NDST3: variants seen among roughly 807,000 people sequenced by gnomAD.
NDST3 encodes bifunctional heparan sulfate N-deacetylase/N-sulfotransferase 3.
Under a neutral mutation model 96.1 loss-of-function variants are expected in NDST3, and 58 were observed. That is an observed-to-expected ratio of 0.60 (90% CI 0.49 to 0.75). NDST3 has a LOEUF of 0.75. Ranked by LOEUF, NDST3 falls within the 30% of genes least tolerant of loss-of-function variation. NDST3 has a pLI of 0.00. For synonymous variants in NDST3, 333 were observed against 359.7 expected (o/e 0.93, Z 0.84); for missense variants, 788 against 1,034.2 (o/e 0.76, Z 3.27).
chr4:118,197,401 T>C (rs1401728796), intron 6 of NDST3, among the ~76,000 whole-genome samples: 1 of 152,170 alleles, frequency 6.6e-6, no homozygotes, highest in African/African-American at 2.4e-5. Context: ...GTGTTGAAAG[T>C]GGGATGTTGA....
chr4:118,075,136 G>A (rs994397917), intron 2 of NDST3, among the ~76,000 whole-genome samples: 2 of 151,892 alleles, frequency 1.3e-5, no homozygotes, highest in Non-Finnish European at 2.9e-5. Context: ...CTACCTATGA[G>A]TGAGAACATG....
At chr4:118,231,412 A>G (rs867716902) in intron 8 of NDST3, among the ~76,000 whole-genome samples, 8 of 150,150 alleles carry the variant, frequency 5.3e-5, no homozygotes, top group African/African-American at 1.9e-4. Flanking sequence ...AGTAAATACT[A>G]TACTATCATC....
intron 6 of NDST3, among the ~76,000 whole-genome samples, chr4:118,223,011 TA>T (rs1739649979): frequency 6.6e-6 from 1 of 151,872 alleles, no homozygotes; most frequent in African/African-American, 2.4e-5. Context: ...TTCATAAAAA[TA>T]AAGCAAGAAA....
At chr4:118,247,035 T>C (rs180957564) in intron 12 of NDST3, among the ~76,000 whole-genome samples, 83 of 152,144 alleles carry the variant, frequency 5.5e-4, no homozygotes, top group African/African-American at 1.9e-3. Flanking sequence ...AGAATCTCAC[T>C]CAACAATCCA....
At chr4:118,242,374 G>A (rs921224730) in intron 12 of NDST3, among the ~76,000 whole-genome samples, 1 of 151,834 alleles carries the variant, frequency 6.6e-6, no homozygotes, top group African/African-American at 2.4e-5. Context: ...TGAAAGGAAA[G>A]TAGAGAAATA....
chr4:118,116,468 T>C (rs1310512158), intron 4 of NDST3, among the ~76,000 whole-genome samples: 1 of 152,198 alleles, frequency 6.6e-6, no homozygotes, highest in Non-Finnish European at 1.5e-5. Flanking sequence ...TGCTGAAAAC[T>C]AGAATAGTAT....
At chr4:118,156,557 CT>C (rs1476188521) in intron 6 of NDST3, among the ~76,000 whole-genome samples, 1 of 152,142 alleles carries the variant, frequency 6.6e-6, no homozygotes, top group Non-Finnish European at 1.5e-5. Flanking sequence ...TACATACTAT[CT>C]TTGGAATTTG....
At chr4:118,107,629 TAA>T (rs897428995) in intron 3 of NDST3, among the ~76,000 whole-genome samples, 15 of 152,032 alleles carry the variant, frequency 9.9e-5, no homozygotes, top group African/African-American at 3.6e-4. Context: ...TGTATAAAAA[TAA>T]AAGAGGAGGT....
intron 6 of NDST3, among the ~76,000 whole-genome samples, chr4:118,153,432 T>C (rs190394117): frequency 1.3e-5 from 2 of 152,334 alleles, no homozygotes; most frequent in East Asian, 1.9e-4. Context: ...GAGTGGCCAG[T>C]AGCAAAATAA....
intron 4 of NDST3, among the ~76,000 whole-genome samples, chr4:118,136,948 T>C (rs1207208964): frequency 6.6e-6 from 1 of 152,170 alleles, no homozygotes; most frequent in Admixed American, 6.5e-5. Context: ...AGTATTTAGG[T>C]AATGGCAAAC....
intron 12 of NDST3, among the ~76,000 whole-genome samples, chr4:118,251,995 T>C (rs1260057317): frequency 6.6e-6 from 1 of 152,198 alleles, no homozygotes; most frequent in African/African-American, 2.4e-5. Context: ...CCATTGCACA[T>C]ATTTTTTGTA....
intron 2 of NDST3, among the ~76,000 whole-genome samples, chr4:118,083,363 G>T (rs1277286115): frequency 6.6e-6 from 1 of 152,082 alleles, no homozygotes; most frequent in African/African-American, 2.4e-5. Context: ...CCAGTATAAT[G>T]AAATAAATAT....
chr4:118,109,976 A>C (rs533544538), intron 3 of NDST3, among the ~76,000 whole-genome samples: 1 of 152,296 alleles, frequency 6.6e-6, no homozygotes, highest in Non-Finnish European at 1.5e-5. Context: ...GTGCTTTGTT[A>C]AACACTTTTC....
At chr4:118,196,724 G>T (rs1737714839) in intron 6 of NDST3, among the ~76,000 whole-genome samples, 1 of 150,640 alleles carries the variant, frequency 6.6e-6, no homozygotes, top group Admixed American at 6.6e-5. Flanking sequence ...TTACATATTT[G>T]GATCTTCTTT....
chr4:118,091,473 T>C (rs527242729), intron 2 of NDST3, among the ~76,000 whole-genome samples: 1 of 151,766 alleles, frequency 6.6e-6, no homozygotes, highest in Non-Finnish European at 1.5e-5. Flanking sequence ...TCCTGTTTAG[T>C]GAGAGAAGCT....
rs1560738818 is a variant in NDST3, at chr4:118,238,199, GAAAGAAAGAAAGAAAGAAAGAAAGAAAA to G, written c.2118+981_2118+1008del. Among the ~76,000 whole-genome samples, 106 of 143,392 alleles carry G rather than the reference GAAAGAAAGAAAGAAAGAAAGAAAGAAAA, an allele frequency of 7.4e-4. 1 individual carries two copies. The highest frequency in any genetic ancestry group is 2.6e-3 in the African/African-American group (101 of 38,418). The allele number at this position is 143,392 out of a possible 152,430, so 94.1% of individuals were successfully genotyped here. ...AGAAAGAAAGAAAGAAAGAAAGAAA[GAAAGAAAGAAAGAAAGAAAGAAAGAAAA>G]AGAAAGAAGAAAAAAAGAAAGAAAA... On this transcript the variant is annotated intron_variant, in intron 10 of 13. Coordinates refer to ENST00000296499, the MANE Select transcript of NDST3 (RefSeq NM_004784.3).
chr4:118,228,747 C>G (rs1477139339), intron 8 of NDST3, among the ~76,000 whole-genome samples: 1 of 152,158 alleles, frequency 6.6e-6, no homozygotes, highest in South Asian at 2.1e-4. Flanking sequence ...TCTATCCCCC[C>G]CGATCCCCAC....
At chr4:118,179,366 T>C (rs955659524) in intron 6 of NDST3, among the ~76,000 whole-genome samples, 5 of 152,062 alleles carry the variant, frequency 3.3e-5, no homozygotes, top group Non-Finnish European at 7.4e-5. Context: ...AAATCAGATA[T>C]GAATAGTAAT....
chr4:118,038,470 T>C (rs1047285904), intron 1 of NDST3, among the ~76,000 whole-genome samples: 1 of 152,178 alleles, frequency 6.6e-6, no homozygotes, highest in Non-Finnish European at 1.5e-5. Flanking sequence ...TTTTCTCCCA[T>C]CCATCTTTTA....
Sources: gnomAD v4.1 joint callset for allele counts (sites outside exome capture counted in the v4.1 genomes callset) on GRCh38, gnomAD v4.1.1 for gene constraint, MANE v1.5 for transcripts, NCBI Gene and HGNC (gene_info 2026-07-23, HGNC 2026-07-21) for gene names.